Variants in ADAM19 observed in about 807,000 individuals in gnomAD.
ADAM19 encodes the protein disintegrin and metalloproteinase domain-containing protein 19.
ADAM19 carries 65 observed loss-of-function variants against 114.7 expected under a neutral mutation model. The ratio of observed to expected loss-of-function variants is 0.57; its 90% CI spans 0.46 to 0.70. The LOEUF is 0.70. Ranked by LOEUF, ADAM19 falls within the 30% of genes least tolerant of loss-of-function variation. The probability of loss-of-function intolerance (pLI) is 0.00; values close to 1 mark genes in which losing one functional copy is unlikely to be tolerated. For synonymous variants in ADAM19, 466 were observed against 460.5 expected (o/e 1.01, Z -0.15); for missense variants, 1,063 against 1,204.7 (o/e 0.88, Z 1.74).
At chr5:157,566,123 A>G (rs1160794675) in intron 2 of ADAM19, 1 of 151,478 alleles carries the variant, frequency 6.6e-6, no homozygotes, top group Non-Finnish European at 1.5e-5. Context: ...AAAAAAAAAA[A>G]AAGTAATGAA....
chr5:157,485,326 A>G (rs971564359), intron 21 of ADAM19, among the ~76,000 whole-genome samples: 14 of 152,370 alleles, frequency 9.2e-5, no homozygotes, highest in African/African-American at 3.4e-4. Flanking sequence ...ACACACAGAA[A>G]AAGGCGAACA....
rs1238675633 is a variant in ADAM19, at chr5:157,480,700, C to T, written c.*249G>A. 3 of 1,317,792 alleles carry T rather than the reference C, an allele frequency of 2.3e-6. No individual in the cohort carries two copies. Among genetic ancestry groups the T allele is most frequent in the South Asian group, 1.9e-5 (1 of 53,812 alleles). 81.6% of individuals were successfully genotyped at this position (1,317,792 alleles called of 1,614,324 possible). ...GCCAGTCACCCTCCTCATACTCTCC[C>T]CTCCCTACCTGGGGCTGTATATTGC... is the stretch of plus-strand genomic sequence containing the variant. On this transcript the variant is annotated 3_prime_UTR_variant, in exon 23 of 23. Coordinates refer to ENST00000257527, the MANE Select transcript of ADAM19 (RefSeq NM_033274.5).
chr5:157,534,351 C>A (rs1756705089), intron 4 of ADAM19, among the ~76,000 whole-genome samples: 2 of 152,004 alleles, frequency 1.3e-5, no homozygotes, highest in Admixed American at 1.3e-4. Flanking sequence ...ACTTGTAATC[C>A]CAGATACTCG....
At chr5:157,528,086 G>A (rs1756522996) in intron 5 of ADAM19, among the ~76,000 whole-genome samples, 1 of 152,180 alleles carries the variant, frequency 6.6e-6, no homozygotes, top group Non-Finnish European at 1.5e-5. Flanking sequence ...AGCTTTGGGA[G>A]GCGCCTAGTG....
At chr5:157,485,337 A>G (rs957581059) in intron 21 of ADAM19, among the ~76,000 whole-genome samples, 2 of 152,284 alleles carry the variant, frequency 1.3e-5, no homozygotes, top group Non-Finnish European at 2.9e-5. Context: ...AAGGCGAACA[A>G]ATCATAAATA....
chr5:157,529,338 G>A (rs1284484903), intron 5 of ADAM19, among the ~76,000 whole-genome samples: 2 of 152,040 alleles, frequency 1.3e-5, no homozygotes, highest in Non-Finnish European at 2.9e-5. Context: ...AAAAAAAGAG[G>A]AGGGAGATTG....
chr5:157,503,644 G>A (rs114795189), intron 11 of ADAM19, among the ~76,000 whole-genome samples: 2,937 of 152,320 alleles, frequency 0.019, 115 homozygotes, highest in African/African-American at 0.067. Context: ...GTAAAGGGTT[G>A]TGAGTGTGTT....
At chr5:157,529,553 T>C (rs1756567644) in intron 5 of ADAM19, among the ~76,000 whole-genome samples, 1 of 152,136 alleles carries the variant, frequency 6.6e-6, no homozygotes, top group South Asian at 2.1e-4. Context: ...TAAAATCCAG[T>C]AGGTCTGCGT....
At position 157,530,860 on chromosome 5, in the gene ADAM19, C is replaced by T. The variant is rs141005435; in HGVS notation, c.354G>A (p.Thr118=). The T allele has an allele frequency of 2.4e-5, 38 of 1,614,028 alleles. No individual in the cohort carries two copies. The highest frequency in any genetic ancestry group is 1.9e-4 in the African/African-American group (14 of 74,912). ...KLEDHCFYHG[T]VRETELSSVT... ...CGCTGGACAGTTCTGTCTCCCTCAC[C>T]GTGCCGTGGTAAAAGCAGTGATCCT... Residue 118 remains threonine (T), a synonymous_variant, in exon 5 of 23, where the codon ACG becomes ACA. Coordinates refer to ENST00000257527, the MANE Select transcript of ADAM19 (RefSeq NM_033274.5).
chr5:157,490,187 G>T, intron 19 of ADAM19, 123 bp downstream of exon 19: 2 of 1,058,260 alleles, frequency 1.9e-6, no homozygotes, highest in Non-Finnish European at 1.4e-6. Flanking sequence ...AGGGCAGCAT[G>T]TATCTTGCAC....
chr5:157,492,950 G>T lies in ADAM19; in HGVS notation c.1908+23C>A. On this transcript the variant is annotated intron_variant, in intron 16 of 22. Transcript: ENST00000257527. ...CACTCTGCTCTGCAGCTGGCTCCTA[G>T]GTGAGCAGGGGAGGGGACTCACATG... is the stretch of plus-strand genomic sequence containing the variant. 3 of 1,612,918 alleles carry T rather than the reference G, an allele frequency of 1.9e-6. No homozygotes were observed. The African/African-American group carries it at 4.0e-5, about 21-fold the overall frequency.
chr5:157,507,093 G>A lies in ADAM19; in HGVS notation c.953C>T (p.Ala318Val), dbSNP rs754236524. 14 of 1,614,150 alleles carry A rather than the reference G, an allele frequency of 8.7e-6. No homozygotes were observed. Among genetic ancestry groups the A allele is most frequent in the Non-Finnish European group, 1.2e-5 (14 of 1,180,030 alleles). ...TCCAGACTGGTACACAGAGCACATG[G>A]CCATGAGGGGGGCCAGGCCGATGGT... ...GTTIGLAPLMAMCSVYQSGGV... is the reference protein window; with the variant it reads ...GTTIGLAPLMVMCSVYQSGGV... The change falls in exon 10 of 23, where the codon GCC becomes GTC. Residue 318 changes from alanine to valine, a missense_variant. Physicochemically the swap from Ala to Val is moderately conservative, Grantham distance 64. This residue lies in a region of ADAM19 where 615 missense variants were observed against 706.3 expected (regional missense o/e 0.87). Coordinates refer to ENST00000257527, the MANE Select transcript of ADAM19 (RefSeq NM_033274.5).
intron 11 of ADAM19, among the ~76,000 whole-genome samples, chr5:157,503,832 G>A (rs80220540): frequency 0.012 from 1,761 of 152,270 alleles, 46 homozygotes; most frequent in African/African-American, 0.04. Flanking sequence ...AGGATGCAGA[G>A]GGCATTCCAA....
At chr5:157,514,273 T>C (rs1215033972) in intron 7 of ADAM19, among the ~76,000 whole-genome samples, 2 of 151,760 alleles carry the variant, frequency 1.3e-5, no homozygotes, top group East Asian at 1.9e-4. Flanking sequence ...CAGTGCCTTC[T>C]ACAGTGAGAA....
intron 10 of ADAM19, 55 bp from the exon 11 acceptor site, chr5:157,505,863 C>G: frequency 6.3e-7 from 1 of 1,577,238 alleles, no homozygotes; most frequent in Non-Finnish European, 8.6e-7. Context: ...TGCCTCTGCC[C>G]CCCATCCCTG....
chr5:157,500,148 C>A (rs1185855095), intron 12 of ADAM19, among the ~76,000 whole-genome samples: 1 of 152,064 alleles, frequency 6.6e-6, no homozygotes, highest in Non-Finnish European at 1.5e-5. Flanking sequence ...GTCACAAGAA[C>A]CATATATATG....
intron 9 of ADAM19, 150 bp from the exon 10 acceptor site, chr5:157,507,290 A>T: frequency 1.5e-6 from 1 of 676,400 alleles, no homozygotes; most frequent in East Asian, 2.8e-5. Flanking sequence ...AACCAGGCCA[A>T]CTGGACAACT....
rs570150618 is a variant in ADAM19 at position 157,485,373 on chromosome 5, T to C, written c.2550+2892A>G. On this transcript the variant is annotated intron_variant, in intron 21 of 22. Transcript: ENST00000257527. Reference sequence around the variant, plus strand: ...TACAACTAGATGAATTATCACAACGTGAATACACTAAGTAATCCCCATGCA... The same window carrying C: ...TACAACTAGATGAATTATCACAACGCGAATACACTAAGTAATCCCCATGCA... 3.3e-5 allele frequency among the ~76,000 whole-genome samples: 5 copies of C among 152,302 alleles called. No homozygotes were observed. The South Asian group carries it at 1.0e-3, about 32-fold the overall frequency.
At chr5:157,558,629 C>T (rs1329259295) in intron 3 of ADAM19, among the ~76,000 whole-genome samples, 8 of 152,192 alleles carry the variant, frequency 5.3e-5, no homozygotes, top group Non-Finnish European at 1.0e-4. Context: ...GAGAGCTGTC[C>T]TTTATCCTAG....
Sources: allele counts gnomAD v4.1 joint callset (sites outside exome capture counted in the v4.1 genomes callset), GRCh38; gene constraint gnomAD v4.1.1; regional missense constraint gnomAD v4.1.1; transcripts MANE v1.5; gene names NCBI Gene and HGNC (gene_info 2026-07-23, HGNC 2026-07-21).